Variants in FAM135A observed in about 807,000 individuals in gnomAD.
FAM135A encodes the protein protein FAM135A.
Under a neutral mutation model 146.8 loss-of-function variants are expected in FAM135A, and 79 were observed. The ratio of observed to expected loss-of-function variants is 0.54; its 90% confidence interval spans 0.45 to 0.65. The LOEUF (loss-of-function observed/expected upper bound fraction) is 0.65, where lower values mean the gene tolerates loss of function less well. FAM135A is among the 30% of genes least tolerant of loss of function. The pLI is 0.00. For missense variants in FAM135A, 1,623 were observed against 1,758.2 expected (o/e 0.92, Z 1.38); for synonymous variants, 562 against 603.6 (o/e 0.93, Z 1.01).
intron 10 of FAM135A, among the ~76,000 whole-genome samples, chr6:70,490,070 CA>C (rs932883121): frequency 5.9e-5 from 9 of 152,074 alleles, no homozygotes; most frequent in African/African-American, 2.2e-4. Context: ...CTTTTTTAAA[CA>C]AATTTAAATG....
At chr6:70,458,029 T>C (rs1778705681) in intron 5 of FAM135A, among the ~76,000 whole-genome samples, 1 of 152,162 alleles carries the variant, frequency 6.6e-6, no homozygotes, top group Admixed American at 6.5e-5. Flanking sequence ...AATAAATAGT[T>C]TGTGGCAGAC....
At position 70,477,701 on chromosome 6, in the gene FAM135A, C is replaced by T. The variant is rs981979360; in HGVS notation, c.542+369C>T. ...CTGTCCCCCTGATCTAATCACCTCC[C>T]ACCAGGCCCCATTCCAACATTGAGG... On this transcript the variant is annotated intron_variant, in intron 8 of 21. Coordinates refer to ENST00000418814, the MANE Select transcript of FAM135A (RefSeq NM_001162529.3). Among the ~76,000 whole-genome samples, 3 of 152,158 alleles carry T rather than the reference C, an allele frequency of 2.0e-5. No homozygotes were observed. The East Asian group carries it at 5.8e-4, about 29-fold the overall frequency.
rs1796794992 is a variant in FAM135A at position 70,536,371 on chromosome 6, C to T, written c.4077C>T (p.His1359=). 1 of 1,613,162 alleles carries T rather than the reference C, an allele frequency of 6.2e-7. No homozygotes were observed. The highest frequency in any genetic ancestry group is 1.7e-5 in the Admixed American group (1 of 59,888). ...LHTFLSLSGP[H]LGTLYNSSAL... The stretch of plus-strand genomic sequence containing the variant: ...CCTTTCTGTCTCTTTCTGGACCTCA[C>T]CTTGGTACACTCTACAACAGCAGTG... Residue 1359 remains histidine (H), a synonymous_variant, in exon 19 of 22, where the codon CAC becomes CAT. Transcript: ENST00000418814.
At chr6:70,440,775 G>A (rs2127943120) in intron 4 of FAM135A, among the ~76,000 whole-genome samples, 1 of 152,118 alleles carries the variant, frequency 6.6e-6, no homozygotes, top group Non-Finnish European at 1.5e-5. Context: ...CTTTTTCTTA[G>A]TATTACTTAA....
chr6:70,486,282 A>C (rs1300201968), intron 10 of FAM135A: 2 of 1,580,824 alleles, frequency 1.3e-6, no homozygotes, highest in Admixed American at 1.7e-5. Flanking sequence ...GATCCCTTTT[A>C]ATTAAAAAGT....
intron 4 of FAM135A, among the ~76,000 whole-genome samples, chr6:70,430,335 TA>T (rs1390984684): frequency 2.5e-4 from 36 of 142,856 alleles, no homozygotes; most frequent in Middle Eastern, 3.5e-3. Flanking sequence ...AGACTCTATC[TA>T]AAAAAAAAAA....
chr6:70,490,932 C>T (rs1785770116), intron 10 of FAM135A, 102 bp from the exon 11 acceptor site: 1 of 653,902 alleles, frequency 1.5e-6, no homozygotes. Context: ...TCATTGAATA[C>T]AGTCCAGATC....
intron 20 of FAM135A, among the ~76,000 whole-genome samples, chr6:70,555,736 G>T (rs2128504052): frequency 6.6e-6 from 1 of 151,858 alleles, no homozygotes; most frequent in Non-Finnish European, 1.5e-5. Context: ...GAAGGGGGGG[G>T]AGTCATTTTT....
chr6:70,486,711 C>G (rs1446657197), intron 10 of FAM135A, among the ~76,000 whole-genome samples: 1 of 152,036 alleles, frequency 6.6e-6, no homozygotes, highest in African/African-American at 2.4e-5. Flanking sequence ...GGCAGATCAC[C>G]TGAGGTCAGA....
chr6:70,532,403 T>C (rs1796001208), intron 16 of FAM135A, among the ~76,000 whole-genome samples: 1 of 152,198 alleles, frequency 6.6e-6, no homozygotes, highest in South Asian at 2.1e-4. Context: ...AAATAAACTT[T>C]CTTAGATATT....
chr6:70,444,832 T>G (rs2127981739), intron 4 of FAM135A, among the ~76,000 whole-genome samples: 1 of 152,348 alleles, frequency 6.6e-6, no homozygotes, highest in Admixed American at 6.5e-5. Context: ...TAGTATACAT[T>G]AAATGTGGAG....
intron 4 of FAM135A, 49 bp from the exon 5 acceptor site, chr6:70,452,443 A>G: frequency 7.1e-7 from 1 of 1,399,762 alleles, no homozygotes. Context: ...GGGGCATTGC[A>G]TATTTTTAAA....
rs1784716961 is a variant in FAM135A, at chr6:70,486,657, GGTGACT to G, written c.824-4376_824-4371del. 2.6e-5 allele frequency among the ~76,000 whole-genome samples: 4 copies of G among 152,056 alleles called. No homozygotes were observed. The South Asian group carries it at 8.3e-4, about 32-fold the overall frequency. On this transcript the variant is annotated intron_variant, in intron 10 of 21. Coordinates refer to ENST00000418814, the MANE Select transcript of FAM135A (RefSeq NM_001162529.3). Reference sequence around the variant, plus strand: ...TTTAAAACTAAACCAGGCCGGGTGCGGTGACTCACGCCTGTAATCCCAGCACTTTGG... The same window carrying G: ...TTTAAAACTAAACCAGGCCGGGTGCGCACGCCTGTAATCCCAGCACTTTGG...
intron 20 of FAM135A, among the ~76,000 whole-genome samples, chr6:70,540,445 C>T (rs1797703171): frequency 1.3e-5 from 2 of 151,724 alleles, no homozygotes. Context: ...CTGCCTCAGC[C>T]TCCTGAGTAG....
At chr6:70,416,323 T>G (rs1163048088) in intron 2 of FAM135A, among the ~76,000 whole-genome samples, 4 of 152,232 alleles carry the variant, frequency 2.6e-5, no homozygotes, top group Admixed American at 2.0e-4. Context: ...GAGTTGACAC[T>G]GAAAGGAAAT....
intron 12 of FAM135A, among the ~76,000 whole-genome samples, chr6:70,511,169 C>T (rs1790920847): frequency 6.6e-6 from 1 of 151,900 alleles, no homozygotes. Context: ...TTTATATATT[C>T]TGGTAACTAG....
At chr6:70,457,639 C>G (rs1778619450) in intron 5 of FAM135A, among the ~76,000 whole-genome samples, 1 of 152,112 alleles carries the variant, frequency 6.6e-6, no homozygotes, top group African/African-American at 2.4e-5. Context: ...ATGGACAACC[C>G]TATTTGAACC....
chr6:70,473,010 G>C (rs116291398), intron 5 of FAM135A, among the ~76,000 whole-genome samples: 2 of 152,026 alleles, frequency 1.3e-5, no homozygotes, highest in Admixed American at 1.3e-4. Context: ...AATGTCTCTT[G>C]TTTCTTAAAC....
intron 15 of FAM135A, among the ~76,000 whole-genome samples, chr6:70,527,031 A>G (rs1468630835): frequency 6.6e-6 from 1 of 152,074 alleles, no homozygotes; most frequent in East Asian, 1.9e-4. Flanking sequence ...TGTTAGAAGT[A>G]TGGAATAACT....
Sources: allele counts gnomAD v4.1 joint callset (sites outside exome capture counted in the v4.1 genomes callset), GRCh38; gene constraint gnomAD v4.1.1; transcripts MANE v1.5; gene names NCBI Gene and HGNC (gene_info 2026-07-23, HGNC 2026-07-21).